The following MARCHF3 variants were observed in gnomAD, a reference collection of about 807,000 sequenced individuals.
The protein encoded by MARCHF3 is E3 ubiquitin-protein ligase MARCHF3.
Under a neutral mutation model 24.2 loss-of-function variants are expected in MARCHF3, and 13 were observed. That is an observed-to-expected ratio of 0.54 (90% CI 0.35 to 0.85). The LOEUF is 0.85. Among genes scored for constraint, MARCHF3 ranks in the 40% least tolerant of loss-of-function variants. The pLI is 0.01. For missense variants in MARCHF3, 276 were observed against 325.0 expected, an observed-to-expected ratio of 0.85 and a Z score of 1.16; for synonymous variants, 144 against 137.3, an observed-to-expected ratio of 1.05 and a Z score of -0.34.
At chr5:126,983,781 A>G (rs1253638311) in intron 1 of MARCHF3, among the ~76,000 whole-genome samples, 1 of 152,228 alleles carries the variant, frequency 6.6e-6, no homozygotes, top group Non-Finnish European at 1.5e-5. Context: ...GGGTTCTCTC[A>G]GAAGAGGCCT....
chr5:126,881,025 G>A (rs1201252740), intron 3 of MARCHF3, among the ~76,000 whole-genome samples: 1 of 152,132 alleles, frequency 6.6e-6, no homozygotes, highest in Non-Finnish European at 1.5e-5. Context: ...AAGGAGGGGA[G>A]GAGGTAATTA....
chr5:126,945,956 G>A (rs534413775), intron 1 of MARCHF3, among the ~76,000 whole-genome samples: 12 of 152,318 alleles, frequency 7.9e-5, no homozygotes, highest in Admixed American at 4.6e-4. Context: ...TAGTGGAGGG[G>A]TGGTGTTTGC....
At chr5:126,988,920 A>C (rs1410802634) in intron 1 of MARCHF3, among the ~76,000 whole-genome samples, 1 of 152,242 alleles carries the variant, frequency 6.6e-6, no homozygotes, top group African/African-American at 2.4e-5. Flanking sequence ...AAGGGAATAA[A>C]GAAAAGATGT....
chr5:126,901,609 A>G (rs1754109149), intron 3 of MARCHF3, among the ~76,000 whole-genome samples: 1 of 152,150 alleles, frequency 6.6e-6, no homozygotes, highest in Non-Finnish European at 1.5e-5. Context: ...AAAACTATGT[A>G]TTCTTTCTTT....
rs548012708 is a variant in MARCHF3, at chr5:126,926,045, T to A, written c.-56-7818A>T. Among the ~76,000 whole-genome samples the A allele has an allele frequency of 4.5e-4, 68 of 152,250 alleles. No individual in the cohort carries two copies. The South Asian group carries it at 6.4e-3, about 14-fold the overall frequency. On this transcript the variant is annotated intron_variant, in intron 1 of 4. Coordinates refer to ENST00000308660, the MANE Select transcript of MARCHF3 (RefSeq NM_178450.5). ...TTTTTGGGCTCACACACATTTTTTT[T>A]AAAAATCAGCATCCAAGTGAAAGCC...
intron 1 of MARCHF3, among the ~76,000 whole-genome samples, chr5:127,015,266 A>G (rs1752601593): frequency 6.6e-6 from 1 of 152,226 alleles, no homozygotes; most frequent in Non-Finnish European, 1.5e-5. Flanking sequence ...CTGTAGAGGG[A>G]ACACCAGAGG....
At chr5:126,895,157 C>T (rs1218859254) in intron 3 of MARCHF3, among the ~76,000 whole-genome samples, 1 of 152,060 alleles carries the variant, frequency 6.6e-6, no homozygotes, top group Non-Finnish European at 1.5e-5. Flanking sequence ...GTTTTCAGCT[C>T]CATCAGCTCC....
At chr5:126,904,454 T>C (rs983507379) in intron 3 of MARCHF3, among the ~76,000 whole-genome samples, 9 of 147,402 alleles carry the variant, frequency 6.1e-5, no homozygotes, top group African/African-American at 2.3e-4. Context: ...TTCCTATTTC[T>C]CCACATCCTC....
chr5:126,928,264 T>G (rs968006997), intron 1 of MARCHF3, among the ~76,000 whole-genome samples: 1 of 152,200 alleles, frequency 6.6e-6, no homozygotes, highest in Non-Finnish European at 1.5e-5. Context: ...GAAAAATACA[T>G]GTAGCCAGAT....
At chr5:126,965,069 G>A (rs1750761346) in intron 1 of MARCHF3, among the ~76,000 whole-genome samples, 1 of 150,764 alleles carries the variant, frequency 6.6e-6, no homozygotes, top group African/African-American at 2.4e-5. Flanking sequence ...GAACACTTGT[G>A]TTCTAGAATG....
In MARCHF3 at chr5:126,965,525, G is replaced by C. The variant is rs563295944; in HGVS notation, c.-56-47298C>G. 5.3e-5 allele frequency among the ~76,000 whole-genome samples: 8 copies of C among 152,228 alleles called. No homozygotes were observed. In the South Asian group the frequency reaches 1.7e-3, roughly 32 times the overall value. ...AGACAGTTTTTAGCTATTAGTATTTGGGGGAAAATTTTTTAGGCTTAAAAC... is the reference window on the plus strand; with the variant it reads ...AGACAGTTTTTAGCTATTAGTATTTCGGGGAAAATTTTTTAGGCTTAAAAC... On this transcript the variant is annotated intron_variant, in intron 1 of 4. Transcript: ENST00000308660.
chr5:127,028,193 G>A (rs1753063533), intron 1 of MARCHF3, among the ~76,000 whole-genome samples: 1 of 152,180 alleles, frequency 6.6e-6, no homozygotes, highest in Non-Finnish European at 1.5e-5. Context: ...TTATTGAAAT[G>A]TAATTATGAG....
intron 4 of MARCHF3, among the ~76,000 whole-genome samples, chr5:126,877,922 G>C (rs549087670): frequency 1.3e-5 from 2 of 152,200 alleles, no homozygotes; most frequent in East Asian, 3.9e-4. Context: ...AAACGTCCAT[G>C]GTGTGTCTGT....
At chr5:126,947,477 A>G (rs1009659778) in intron 1 of MARCHF3, among the ~76,000 whole-genome samples, 2 of 152,234 alleles carry the variant, frequency 1.3e-5, no homozygotes, top group African/African-American at 2.4e-5. Flanking sequence ...GGATGATACT[A>G]TGTAGTGGAT....
chr5:126,952,470 G>C (rs1401213280), intron 1 of MARCHF3, among the ~76,000 whole-genome samples: 1 of 151,976 alleles, frequency 6.6e-6, no homozygotes, highest in African/African-American at 2.4e-5. Context: ...AACAATTCTT[G>C]ATTTTAGTTC....
chr5:126,918,473 A>T (rs989560362), intron 1 of MARCHF3, among the ~76,000 whole-genome samples: 2 of 152,202 alleles, frequency 1.3e-5, no homozygotes, highest in African/African-American at 4.8e-5. Context: ...AACATTTAGC[A>T]GCCCTGCTTT....
At chr5:126,945,478 C>T (rs1749979555) in intron 1 of MARCHF3, among the ~76,000 whole-genome samples, 2 of 152,182 alleles carry the variant, frequency 1.3e-5, no homozygotes, top group Admixed American at 1.3e-4. Flanking sequence ...TGGCAGGAGC[C>T]AGCCAGGCAA....
At chr5:126,889,366 A>T (rs1753601907) in intron 3 of MARCHF3, among the ~76,000 whole-genome samples, 1 of 152,102 alleles carries the variant, frequency 6.6e-6, no homozygotes, top group Non-Finnish European at 1.5e-5. Flanking sequence ...GATAATAGGG[A>T]TGTTTGAAGG....
At chr5:126,954,693 T>C (rs1460484643) in intron 1 of MARCHF3, among the ~76,000 whole-genome samples, 2 of 151,678 alleles carry the variant, frequency 1.3e-5, no homozygotes, top group East Asian at 3.9e-4. Flanking sequence ...TTTTTTTTTT[T>C]TTAAGTTTAA....
Sources: gnomAD v4.1 joint callset for allele counts (sites outside exome capture counted in the v4.1 genomes callset) on GRCh38, gnomAD v4.1.1 for gene constraint, MANE v1.5 for transcripts, NCBI Gene and HGNC (gene_info 2026-07-23, HGNC 2026-07-21) for gene names.